Variants in CHST4 observed in about 807,000 individuals in gnomAD.
The protein encoded by CHST4 is GST-3.
For missense variants in CHST4, 466 were observed against 506.0 expected (o/e 0.92, Z 0.76); for synonymous variants, 171 against 195.5 (o/e 0.87, Z 1.05).
Position 71,536,852 on chromosome 16 carries a change from G to A in CHST4, c.175G>A (p.Gly59Arg). The change falls in exon 2 of 2, where the codon GGG becomes AGG. Residue 59 changes from glycine (G) to arginine (R), a missense_variant. Coordinates refer to ENST00000539698, the MANE Select transcript of CHST4 (RefSeq NM_001166395.2). Reference protein sequence around the residue: ...SSWRSGSSFVGQLFGQHPDVF... With the variant: ...SSWRSGSSFVRQLFGQHPDVF... ...CTGGCGCTCTGGCTCTTCTTTTGTG[G>A]GGCAGCTTTTTGGGCAGCACCCAGA... The A allele has an allele frequency of 6.5e-7, 1 of 1,549,882 alleles. No individual in the cohort carries two copies. Among genetic ancestry groups the A allele is most frequent in the Non-Finnish European group, 8.7e-7 (1 of 1,148,396 alleles).
Position 71,537,621 on chromosome 16 carries a change from T to C in CHST4, c.944T>C (p.Met315Thr), listed in dbSNP as rs2044002365. The C allele has an allele frequency of 1.2e-6, 2 of 1,614,168 alleles. No homozygotes were observed. The highest frequency in any genetic ancestry group is 1.1e-5 in the South Asian group (1 of 91,082). Reference protein sequence around the residue: ...WVHNITRGKGMGDHAFHTNAR... With the variant: ...WVHNITRGKGTGDHAFHTNAR... ...CATAACATCACCCGAGGCAAGGGCA[T>C]GGGTGACCACGCTTTCCACACAAAT... The change falls in exon 2 of 2, where the codon ATG becomes ACG. Residue 315 changes from methionine (M) to threonine (T), a missense_variant. By Grantham distance (81) the Met-to-Thr change is moderately conservative (BLOSUM62 -1). Coordinates refer to ENST00000539698, the MANE Select transcript of CHST4 (RefSeq NM_001166395.2). This position sits in a 1 kb window ranked among gnomAD's most constrained non-coding sequence, Gnocchi z 4.2.
chr16:71,529,969 G>T (rs958952313), intron 1 of CHST4, among the ~76,000 whole-genome samples: 1 of 152,020 alleles, frequency 6.6e-6, no homozygotes, highest in Non-Finnish European at 1.5e-5. Flanking sequence ...CCAACATGGC[G>T]AATCCCCATT....
At chr16:71,532,148 C>T (rs373681403) in intron 1 of CHST4, among the ~76,000 whole-genome samples, 29 of 149,850 alleles carry the variant, frequency 1.9e-4, no homozygotes, top group Middle Eastern at 7.0e-3. Flanking sequence ...CCTGGGTTCA[C>T]GCCGTTCTCC....
intron 1 of CHST4, among the ~76,000 whole-genome samples, chr16:71,533,659 T>C (rs1423780190): frequency 3.3e-5 from 5 of 152,134 alleles, no homozygotes; most frequent in Non-Finnish European, 7.4e-5. Flanking sequence ...CCTTTAAAGA[T>C]ATGTCATTAC....
At position 71,538,177 on chromosome 16, in the gene CHST4, A is replaced by C; in HGVS notation, c.*339A>C. 1 of 256,930 alleles carries C rather than the reference A, an allele frequency of 3.9e-6. No individual in the cohort carries two copies. The allele number at this position is 256,930 out of a possible 1,614,324, so 15.9% of individuals were successfully genotyped here. Reference sequence around the variant, plus strand: ...CAGTATCAGTGGAATTGATCCATAAACCTCCCTGTCCACATCTTGCCCAAT... The same window carrying C: ...CAGTATCAGTGGAATTGATCCATAACCCTCCCTGTCCACATCTTGCCCAAT... On this transcript the variant is annotated 3_prime_UTR_variant, in exon 2 of 2. Transcript: ENST00000539698.
At chr16:71,526,608 G>C (rs1597033120) in intron 1 of CHST4, 113 bp downstream of exon 1, 1 of 152,210 alleles carries the variant, frequency 6.6e-6, no homozygotes, top group African/African-American at 2.4e-5. Context: ...AGTGGCGAAG[G>C]CGGTTTGCGC....
intron 1 of CHST4, among the ~76,000 whole-genome samples, chr16:71,533,080 A>G (rs1285607487): frequency 6.6e-6 from 1 of 152,018 alleles, no homozygotes; most frequent in Non-Finnish European, 1.5e-5. Flanking sequence ...GAACACATAC[A>G]CATTTGAATG....
rs568187778 is a variant in CHST4 at position 71,537,156 on chromosome 16, C to A, written c.479C>A (p.Pro160His). The A allele has an allele frequency of 6.2e-7, 1 of 1,614,118 alleles. No homozygotes were observed. The highest frequency in any genetic ancestry group is 1.7e-5 in the Admixed American group (1 of 59,992). ...TGCAGGCTCCTGTGCAGTCAACAGCCCTTTGAGGTGGTGGAGAAGGCCTGC... is the reference window on the plus strand; with the variant it reads ...TGCAGGCTCCTGTGCAGTCAACAGCACTTTGAGGTGGTGGAGAAGGCCTGC... Reference protein sequence around the residue: ...AHCRLLCSQQPFEVVEKACRS... With the variant: ...AHCRLLCSQQHFEVVEKACRS... Residue 160 changes from proline to histidine, a missense_variant, in exon 2 of 2, where the codon CCC (proline) becomes CAC (histidine). Pro to His is a moderately conservative substitution (Grantham distance 77). Coordinates refer to ENST00000539698, the MANE Select transcript of CHST4 (RefSeq NM_001166395.2). The surrounding 1 kb of genome is among the most constrained non-coding windows in gnomAD (Gnocchi z 4.2).
chr16:71,537,382 A>C lies in CHST4; in HGVS notation c.705A>C (p.Lys235Asn). The C allele has an allele frequency of 6.2e-7, 1 of 1,613,924 alleles. No homozygotes were observed. The highest frequency in any genetic ancestry group is 1.1e-5 in the South Asian group (1 of 91,062). The change falls in exon 2 of 2, where the codon AAA becomes AAC. Residue 235 changes from lysine to asparagine, a missense_variant. By Grantham distance (94) the Lys-to-Asn change is moderately conservative. Coordinates refer to ENST00000539698, the MANE Select transcript of CHST4 (RefSeq NM_001166395.2). The surrounding 1 kb of genome is among the most constrained non-coding windows in gnomAD (Gnocchi z 4.2). ...SRIVMGQHEQ[K>N]LKKEDQPYYV... ...TTGTGATGGGGCAGCATGAGCAAAA[A>C]CTCAAGAAGGAGGACCAACCCTACT...
intron 1 of CHST4, among the ~76,000 whole-genome samples, chr16:71,528,168 T>C (rs1249589744): frequency 6.7e-6 from 1 of 149,698 alleles, no homozygotes; most frequent in Non-Finnish European, 1.5e-5. Context: ...GAGAAGCGCT[T>C]GAACCTGAGG....
chr16:71,536,619 A>C, intron 1 of CHST4, 41 bp from the exon 2 acceptor site: 2 of 1,353,582 alleles, frequency 1.5e-6, no homozygotes, highest in Non-Finnish European at 1.9e-6. Flanking sequence ...CAAACAATAA[A>C]ACAGCAGCCC....
In CHST4 at chr16:71,538,036, T is replaced by C; in HGVS notation, c.*198T>C. On this transcript the variant is annotated 3_prime_UTR_variant, in exon 2 of 2. Transcript: ENST00000539698. ...GTCTAGAAAACAGACTGGGGAACCT[T>C]ATGTGAGCAGCACATCCCACCAGTG... is the stretch of plus-strand genomic sequence containing the variant. The C allele has an allele frequency of 1.6e-6, 1 of 607,996 alleles. No homozygotes were observed. The highest frequency in any genetic ancestry group is 3.0e-6 in the Non-Finnish European group (1 of 336,766). 37.7% of individuals were successfully genotyped at this position (607,996 alleles called of 1,614,324 possible).
Position 71,538,101 on chromosome 16 carries a change from T to A in CHST4, c.*263T>A. 1 of 501,348 alleles carries A rather than the reference T, an allele frequency of 2.0e-6. No individual in the cohort carries two copies. The highest frequency in any genetic ancestry group is 3.6e-6 in the Non-Finnish European group (1 of 275,304). The allele number at this position is 501,348 out of a possible 1,614,324, so 31.1% of individuals were successfully genotyped here. A position where few individuals can be genotyped will look rare whatever the true frequency, so the allele number is the denominator to read the frequency against. The stretch of plus-strand genomic sequence containing the variant: ...TCTTCTTCTTTTCTTGATCTTCCTG[T>A]CTGGGCAGACTTCAGAGACTTTGTG... On this transcript the variant is annotated 3_prime_UTR_variant, in exon 2 of 2. Transcript: ENST00000539698.
In CHST4 at chr16:71,536,895, A is replaced by G. The variant is rs1267216979; in HGVS notation, c.218A>G (p.Glu73Gly). ...GQHPDVFYLM[E>G]PAWHVWMTFK... ...CACCCAGATGTTTTCTACCTGATGGAGCCCGCCTGGCACGTGTGGATGACC... is the reference window on the plus strand; with the variant it reads ...CACCCAGATGTTTTCTACCTGATGGGGCCCGCCTGGCACGTGTGGATGACC... The change falls in exon 2 of 2, where the codon GAG becomes GGG. Residue 73 changes from glutamate (E) to glycine (G), a missense_variant. Coordinates refer to ENST00000539698, the MANE Select transcript of CHST4 (RefSeq NM_001166395.2). 6.3e-7 allele frequency: 1 copy of G among 1,592,176 alleles called. No individual in the cohort carries two copies. The highest frequency in any genetic ancestry group is 8.6e-7 in the Non-Finnish European group (1 of 1,168,156).
intron 1 of CHST4, among the ~76,000 whole-genome samples, chr16:71,527,014 AAAGTT>A (rs2043913295): frequency 6.6e-6 from 1 of 152,330 alleles, no homozygotes; most frequent in African/African-American, 2.4e-5. Flanking sequence ...CCAGTCAATT[AAAGTT>A]TAGTTTATTT....
At chr16:71,528,165 G>A (rs1465534158) in intron 1 of CHST4, among the ~76,000 whole-genome samples, 2 of 150,626 alleles carry the variant, frequency 1.3e-5, no homozygotes, top group Non-Finnish European at 2.9e-5. Flanking sequence ...CAGGAGAAGC[G>A]CTTGAACCTG....
chr16:71,532,980 T>A (rs564882243), intron 1 of CHST4, among the ~76,000 whole-genome samples: 1 of 152,166 alleles, frequency 6.6e-6, no homozygotes, highest in African/African-American at 2.4e-5. Context: ...CTAAGACATA[T>A]TGACAACTAA....
chr16:71,532,783 A>G (rs2043957992), intron 1 of CHST4, among the ~76,000 whole-genome samples: 1 of 152,200 alleles, frequency 6.6e-6, no homozygotes, highest in African/African-American at 2.4e-5. Flanking sequence ...TCTTACATAC[A>G]TGTGTGACGG....
At position 71,531,207 on chromosome 16, in the gene CHST4, T is replaced by C. The variant is rs573430122; in HGVS notation, c.-19+4712T>C. On this transcript the variant is annotated intron_variant, in intron 1 of 1. Transcript: ENST00000539698. ...GCTGGGAATTCTGGCAATGGGAGAG[T>C]GGGATTCGAGGACACTATTGAAGAG... Among the ~76,000 whole-genome samples, 163 of 151,286 alleles carry C rather than the reference T, an allele frequency of 1.1e-3. 1 individual carries two copies. Among genetic ancestry groups the C allele is most frequent in the Non-Finnish European group, 3.4e-4 (23 of 67,768 alleles).
Sources: allele counts gnomAD v4.1 joint callset (sites outside exome capture counted in the v4.1 genomes callset), GRCh38; gene constraint gnomAD v4.1.1; non-coding constraint Gnocchi (gnomAD v3.1); transcripts MANE v1.5; gene names NCBI Gene and HGNC (gene_info 2026-07-23, HGNC 2026-07-21).